The following PALLD variants were observed in gnomAD, a reference collection of about 807,000 sequenced individuals.
The protein encoded by PALLD is palladin, cytoskeletal associated protein.
In PALLD, 61 loss-of-function variants were observed where a neutral mutation model predicts 123.5. The observed-to-expected ratio is 0.49, with a 90% CI of 0.40 to 0.61. The LOEUF (loss-of-function observed/expected upper bound fraction) is 0.61, where lower values mean the gene tolerates loss of function less well. Among genes scored for constraint, PALLD ranks in the 20% least tolerant of loss-of-function variants. The pLI, the probability that PALLD is intolerant of heterozygous loss-of-function variation, is 0.00. For synonymous variants in PALLD, 465 were observed against 496.4 expected (o/e 0.94, Z 0.84); for missense variants, 1,273 against 1,377.0 (o/e 0.92, Z 1.20).
chr4:168,706,323 A>T (rs1784228118), intron 8 of PALLD, among the ~76,000 whole-genome samples: 1 of 152,224 alleles, frequency 6.6e-6, no homozygotes. Context: ...GTAGAACACA[A>T]AATTAATAAT....
At chr4:168,690,833 A>G (rs1580989211) in intron 7 of PALLD, 89 bp downstream of exon 7, 2 of 1,288,844 alleles carry the variant, frequency 1.6e-6, no homozygotes, top group Admixed American at 1.7e-5. Context: ...ATTAAGATGA[A>G]TTGATCTCTA....
At chr4:168,832,272 G>C in intron 10 of PALLD, 1 of 827,056 alleles carries the variant, frequency 1.2e-6, no homozygotes, top group Non-Finnish European at 1.5e-6. Context: ...GCAGGGCTCG[G>C]GACAGGGTGG....
chr4:168,659,281 A>T (rs1456532716), intron 2 of PALLD, among the ~76,000 whole-genome samples: 15 of 152,222 alleles, frequency 9.9e-5, no homozygotes, highest in Non-Finnish European at 8.8e-5. Flanking sequence ...CCTGGAAAAT[A>T]TAACCATTGC....
chr4:168,893,739 C>G (rs144129647), intron 11 of PALLD, among the ~76,000 whole-genome samples: 2 of 152,130 alleles, frequency 1.3e-5, no homozygotes, highest in African/African-American at 4.8e-5. Context: ...AACAGTCACA[C>G]AAAAATGCCG....
chr4:168,592,186 T>C (rs1443628999), intron 2 of PALLD, among the ~76,000 whole-genome samples: 1 of 151,880 alleles, frequency 6.6e-6, no homozygotes, highest in Non-Finnish European at 1.5e-5. Context: ...ACCTGTAAGA[T>C]TTGATAGATA....
At chr4:168,570,003 TTATG>T (rs1241115129) in intron 2 of PALLD, among the ~76,000 whole-genome samples, 6 of 152,194 alleles carry the variant, frequency 3.9e-5, no homozygotes, top group African/African-American at 1.4e-4. Context: ...TTGCCTTGCT[TTATG>T]ATGCTGGCAA....
intron 10 of PALLD, among the ~76,000 whole-genome samples, chr4:168,871,564 C>T (rs983632233): frequency 4.6e-5 from 7 of 152,108 alleles, no homozygotes; most frequent in African/African-American, 1.4e-4. Context: ...CTATTAGGAA[C>T]AGTCGGTATT....
intron 2 of PALLD, among the ~76,000 whole-genome samples, chr4:168,666,518 A>T (rs1779674619): frequency 6.6e-6 from 1 of 152,060 alleles, no homozygotes; most frequent in Non-Finnish European, 1.5e-5. Context: ...TAAGGAGATA[A>T]TTCCAAGGAG....
chr4:168,855,228 T>C (rs143369638), intron 10 of PALLD, among the ~76,000 whole-genome samples: 1,774 of 151,878 alleles, frequency 0.012, 46 homozygotes, highest in African/African-American at 0.041. Flanking sequence ...GTAGCTGGGA[T>C]TACAGGCACA....
chr4:168,662,620 C>T (rs187530924), intron 2 of PALLD, among the ~76,000 whole-genome samples: 1 of 152,312 alleles, frequency 6.6e-6, no homozygotes, highest in Non-Finnish European at 1.5e-5. Context: ...TAGCTTGTCA[C>T]CCTAGTATCT....
intron 10 of PALLD, among the ~76,000 whole-genome samples, chr4:168,823,641 C>T (rs113189938): frequency 1.4e-4 from 22 of 152,054 alleles, no homozygotes; most frequent in African/African-American, 4.8e-4. Flanking sequence ...GATCATACCA[C>T]GGCACTCCAT....
intron 2 of PALLD, among the ~76,000 whole-genome samples, chr4:168,629,600 G>A (rs1173939966): frequency 6.6e-6 from 1 of 152,196 alleles, no homozygotes; most frequent in Non-Finnish European, 1.5e-5. Context: ...GGGCTCAGGG[G>A]AATCTGCATT....
chr4:168,821,426 TC>T (rs1742695545), intron 10 of PALLD, among the ~76,000 whole-genome samples: 1 of 152,086 alleles, frequency 6.6e-6, no homozygotes, highest in African/African-American at 2.4e-5. Flanking sequence ...TCATCATTCA[TC>T]CCCTTTGGTA....
chr4:168,520,451 C>T (rs550555734), intron 2 of PALLD, among the ~76,000 whole-genome samples: 1 of 151,826 alleles, frequency 6.6e-6, no homozygotes, highest in Non-Finnish European at 1.5e-5. Context: ...GAAAGGCATG[C>T]GACGCATTGA....
At chr4:168,556,549 T>C (rs1311163373) in intron 2 of PALLD, among the ~76,000 whole-genome samples, 37 of 152,194 alleles carry the variant, frequency 2.4e-4, no homozygotes, top group Non-Finnish European at 1.5e-5. Context: ...GCAGGATGCT[T>C]TCAATGTGTG....
At chr4:168,752,335 C>A (rs1731171944) in intron 10 of PALLD, among the ~76,000 whole-genome samples, 1 of 152,224 alleles carries the variant, frequency 6.6e-6, no homozygotes, top group Admixed American at 6.5e-5. Flanking sequence ...GATCACGCCA[C>A]TGCAGTCCAG....
chr4:168,852,783 T>C (rs1037605368), intron 10 of PALLD, among the ~76,000 whole-genome samples: 1 of 152,252 alleles, frequency 6.6e-6, no homozygotes. Context: ...TGTGGGCTTT[T>C]AGATGAGTTA....
At chr4:168,722,210 ATTTT>A (rs547691947) in intron 10 of PALLD, among the ~76,000 whole-genome samples, 1 of 151,748 alleles carries the variant, frequency 6.6e-6, no homozygotes, top group East Asian at 1.9e-4. Context: ...ACACCCAGCT[ATTTT>A]TTTTATTTTT....
intron 15 of PALLD, among the ~76,000 whole-genome samples, chr4:168,906,921 C>T (rs1757925684): frequency 6.6e-6 from 1 of 152,126 alleles, no homozygotes; most frequent in South Asian, 2.1e-4. Context: ...ACTACAAATA[C>T]CAAGATTGTA....
Sources: gnomAD v4.1 joint callset for allele counts (sites outside exome capture counted in the v4.1 genomes callset) on GRCh38, gnomAD v4.1.1 for gene constraint, MANE v1.5 for transcripts, NCBI Gene and HGNC (gene_info 2026-07-23, HGNC 2026-07-21) for gene names.